The following KLF17 variants were observed in gnomAD, a reference collection of about 807,000 sequenced individuals.
KLF17 encodes KLF transcription factor 17.
A neutral mutation model predicts 34.2 loss-of-function variants in KLF17; 31 were observed. The ratio of observed to expected loss-of-function variants is 0.91; its 90% CI spans 0.68 to 1.22. The LOEUF (loss-of-function observed/expected upper bound fraction) is 1.22, where lower values mean the gene tolerates loss of function less well. Ranked by LOEUF, KLF17 falls within the 50% of genes most tolerant of loss-of-function variation. KLF17 has a pLI of 0.00. For missense variants in KLF17, 478 were observed against 505.2 expected, an observed-to-expected ratio of 0.95 and a Z score of 0.52; for synonymous variants, 179 against 186.7, an observed-to-expected ratio of 0.96 and a Z score of 0.34.
At chr1:44,080,474 G>A in the KLF17 span, among the ~76,000 whole-genome samples, 42 of 151,728 alleles carry the variant, frequency 2.8e-4, no homozygotes, top group Non-Finnish European at 1.5e-4. Flanking sequence ...TCCTGACCTC[G>A]TGATATGCCC....
chr1:44,091,723 A>ATATTAG, the KLF17 span, among the ~76,000 whole-genome samples: 1 of 151,450 alleles, frequency 6.6e-6, no homozygotes, highest in East Asian at 1.9e-4. Context: ...AGACAAAAGC[A>ATATTAG]TATTAGTATA....
upstream of KLF17, among the ~76,000 whole-genome samples, chr1:44,118,307 A>T (rs144910776): frequency 1.8e-3 from 275 of 152,306 alleles, 3 homozygotes; most frequent in African/African-American, 6.3e-3. Context: ...CACACGGGGC[A>T]CTCAGTAAAC....
Position 44,129,731 on chromosome 1 carries a change from C to G in KLF17, c.460C>G (p.Pro154Ala). 3 of 1,614,090 alleles carry G rather than the reference C, an allele frequency of 1.9e-6. No individual in the cohort carries two copies. The highest frequency in any genetic ancestry group is 2.5e-6 in the Non-Finnish European group (3 of 1,180,014). ...GCCCTTCGGTGGGAATCTAAGGATG[C>G]CCCCCAATGGGCTGCCAGTCTCGGC... ...ARPFGGNLRMPPNGLPVSAST... is the reference protein window; with the variant it reads ...ARPFGGNLRMAPNGLPVSAST... Residue 154 changes from proline to alanine, a missense_variant, in exon 2 of 4, where the codon CCC (proline) becomes GCC (alanine). Pro to Ala is a conservative substitution (Grantham distance 27). Transcript: ENST00000372299.
In KLF17 at chr1:44,129,527, G is replaced by T. The variant is rs776336787; in HGVS notation, c.256G>T (p.Gly86Trp). The change falls in exon 2 of 4, where the codon GGG becomes TGG. Residue 86 changes from glycine to tryptophan, a missense_variant. Transcript: ENST00000372299. ...GCCGGGGCAGAATGTGAATGAAGGGGGGCCACAGTTCAGTATGCCACTGCC... is the reference window on the plus strand; with the variant it reads ...GCCGGGGCAGAATGTGAATGAAGGGTGGCCACAGTTCAGTATGCCACTGCC... The part of the protein sequence containing the change: ...EAPGQNVNEG[G>W]PQFSMPLPER... 2 of 1,613,212 alleles carry T rather than the reference G, an allele frequency of 1.2e-6. No individual in the cohort carries two copies. Among genetic ancestry groups the T allele is most frequent in the Non-Finnish European group, 1.7e-6 (2 of 1,179,496 alleles).
chr1:44,120,053 G>C (rs960102018), intron 1 of KLF17, among the ~76,000 whole-genome samples: 11 of 152,230 alleles, frequency 7.2e-5, no homozygotes, highest in African/African-American at 2.7e-4. Context: ...TGGTCCCCGG[G>C]TGGTGAGGGA....
the KLF17 span, among the ~76,000 whole-genome samples, chr1:44,074,041 A>G: frequency 6.6e-6 from 1 of 152,118 alleles, no homozygotes; most frequent in Non-Finnish European, 1.5e-5. Flanking sequence ...AAGAAGGAAT[A>G]AGTGAGTCTC....
chr1:44,082,041 T>C, the KLF17 span, among the ~76,000 whole-genome samples: 1,200 of 152,304 alleles, frequency 7.9e-3, 21 homozygotes, highest in African/African-American at 0.028. Context: ...AAAGTTAATG[T>C]CCAGAGCCTT....
the KLF17 span, chr1:44,048,578 T>TG: frequency 6.6e-6 from 1 of 152,242 alleles, no homozygotes; most frequent in Non-Finnish European, 1.5e-5. Flanking sequence ...TTCTTTGATA[T>TG]GACTGGGTTT....
chr1:44,129,122 A>G (rs928671221), intron 1 of KLF17, among the ~76,000 whole-genome samples: 4 of 152,126 alleles, frequency 2.6e-5, no homozygotes, highest in Non-Finnish European at 5.9e-5. Context: ...TGAAATAAAA[A>G]CCAAAAACAT....
chr1:44,074,024 T>G, the KLF17 span, among the ~76,000 whole-genome samples: 1 of 152,148 alleles, frequency 6.6e-6, no homozygotes, highest in Non-Finnish European at 1.5e-5. Flanking sequence ...CCCAACAATA[T>G]TTGAGAAAGA....
chr1:44,077,836 T>C, the KLF17 span, among the ~76,000 whole-genome samples: 6 of 152,198 alleles, frequency 3.9e-5, no homozygotes, highest in Non-Finnish European at 8.8e-5. Context: ...ATTCTGTTGG[T>C]TATAAGTGAA....
the KLF17 span, among the ~76,000 whole-genome samples, chr1:44,069,239 C>G: frequency 1.3e-5 from 2 of 152,146 alleles, no homozygotes; most frequent in Non-Finnish European, 2.9e-5. The surrounding 1 kb of genome is among the most constrained non-coding windows in gnomAD (Gnocchi z 4.7). Context: ...GGGCAGGAGG[C>G]CTTGGCCAGA....
At chr1:44,113,908 A>G (rs1372809495), upstream of KLF17, 2 of 152,372 alleles carry the variant, frequency 1.3e-5, no homozygotes, top group African/African-American at 4.8e-5. Context: ...CCAGAATGAC[A>G]AGGGTTCTGG....
chr1:44,110,258 G>A, the KLF17 span: 2 of 152,070 alleles, frequency 1.3e-5, no homozygotes, highest in Non-Finnish European at 2.9e-5. Flanking sequence ...ATGACCCAAA[G>A]GTTAAGCCAC....
the KLF17 span, chr1:44,103,302 C>A: frequency 1.4e-6 from 1 of 723,194 alleles, no homozygotes; most frequent in Non-Finnish European, 2.5e-6. Context: ...GCTGCCCTGG[C>A]TGTTCACTTG....
At chr1:44,087,751 TATATATATATATATATATACACAC>T in the KLF17 span, among the ~76,000 whole-genome samples, 197 of 69,136 alleles carry the variant, frequency 2.8e-3, 1 homozygote, top group African/African-American at 0.011. Context: ...TATATATATA[TATATATATATATATATATACACAC>T]ACACACACAC....
the KLF17 span, among the ~76,000 whole-genome samples, chr1:44,089,275 G>A: frequency 2.6e-5 from 4 of 152,212 alleles, no homozygotes; most frequent in African/African-American, 9.6e-5. Context: ...TGAGGTGCAA[G>A]AAGCTTAGTA....
the KLF17 span, among the ~76,000 whole-genome samples, chr1:44,056,282 A>T: frequency 3.9e-5 from 6 of 152,342 alleles, no homozygotes; most frequent in East Asian, 1.2e-3. Context: ...AAGCGAGGAT[A>T]GTGGGTTTCC....
At chr1:44,099,927 G>GA in the KLF17 span, among the ~76,000 whole-genome samples, 1 of 144,176 alleles carries the variant, frequency 6.9e-6, no homozygotes, top group East Asian at 2.2e-4. Context: ...GAAAAGAAAG[G>GA]GAGGGAGGGA....
Sources: allele counts gnomAD v4.1 joint callset (sites outside exome capture counted in the v4.1 genomes callset), GRCh38; gene constraint gnomAD v4.1.1; non-coding constraint Gnocchi (gnomAD v3.1); transcripts MANE v1.5; gene names NCBI Gene and HGNC (gene_info 2026-07-23, HGNC 2026-07-21).